Variants in ADAMTS19 observed in about 807,000 individuals in gnomAD.
ADAMTS19 encodes A disintegrin and metalloproteinase with thrombospondin motifs 19.
A neutral mutation model predicts 153.3 loss-of-function variants in ADAMTS19; 93 were observed. The ratio of observed to expected loss-of-function variants is 0.61; its 90% CI spans 0.51 to 0.72. The LOEUF (loss-of-function observed/expected upper bound fraction) is 0.72. ADAMTS19 is among the 30% of genes least tolerant of loss of function. The pLI is 0.00. For missense variants in ADAMTS19, 1,482 were observed against 1,552.1 expected (o/e 0.95, Z 0.76); for synonymous variants, 600 against 556.6 (o/e 1.08, Z -1.10).
intron 8 of ADAMTS19, among the ~76,000 whole-genome samples, chr5:129,612,456 G>A (rs1378269126): frequency 6.6e-6 from 1 of 151,982 alleles, no homozygotes; most frequent in Non-Finnish European, 1.5e-5. Context: ...CATAAGTGAA[G>A]GAGAAATAAA....
Position 129,461,156 on chromosome 5 carries a change from G to A in ADAMTS19, c.146G>A (p.Trp49Ter). 1 of 1,403,388 alleles carries A rather than the reference G, an allele frequency of 7.1e-7. No individual in the cohort carries two copies. The allele number at this position is 1,403,388 out of a possible 1,614,324, so 86.9% of individuals were successfully genotyped here. A position where few individuals can be genotyped will look rare whatever the true frequency, so the allele number is the denominator to read the frequency against. ...TGGGAAGTCGTGTTTCCTGCGCTCT[G>A]GCGCCGGGAGCCGGTGGACCCGGCT... Reference protein sequence around the residue: ...EEWEVVFPALWRREPVDPAGG... With the variant: ...EEWEVVFPAL Residue 49 changes from tryptophan (W) to a stop codon, truncating the protein, a stop_gained, in exon 2 of 23, where the codon TGG (tryptophan) becomes TAG (stop). Coordinates refer to ENST00000274487, the MANE Select transcript of ADAMTS19 (RefSeq NM_133638.6). LOFTEE classifies it high-confidence loss of function. This position sits in a 1 kb window ranked among gnomAD's most constrained non-coding sequence, Gnocchi z 4.6.
Position 129,735,101 on chromosome 5 carries a change from CCAGA to C in ADAMTS19, c.3484_3487del (p.Arg1162TrpfsTer4). 1 of 1,584,798 alleles carries C rather than the reference CCAGA, an allele frequency of 6.3e-7. No homozygotes were observed. Among genetic ancestry groups the C allele is most frequent in the Non-Finnish European group, 8.6e-7 (1 of 1,168,892 alleles). On this transcript the variant is annotated frameshift_variant, in exon 22 of 23. Coordinates refer to ENST00000274487, the MANE Select transcript of ADAMTS19 (RefSeq NM_133638.6). LOFTEE classifies it high-confidence loss of function. ...ATTAATGTAAATACCATAACATCACCCAGACTGGGTAAGCAGACAAAAAAAAAAG... is the reference window on the plus strand; with the variant it reads ...ATTAATGTAAATACCATAACATCACCCTGGGTAAGCAGACAAAAAAAAAAG...
intron 17 of ADAMTS19, among the ~76,000 whole-genome samples, chr5:129,682,841 G>T (rs185325252): frequency 6.6e-6 from 1 of 151,880 alleles, no homozygotes; most frequent in Non-Finnish European, 1.5e-5. Context: ...CTCCCAATCC[G>T]CACATCAAAA....
intron 7 of ADAMTS19, among the ~76,000 whole-genome samples, chr5:129,571,872 A>T (rs774955853): frequency 6.6e-6 from 1 of 151,862 alleles, no homozygotes; most frequent in Non-Finnish European, 1.5e-5. Flanking sequence ...GGGCCAATTG[A>T]TTTTCTACAA....
intron 10 of ADAMTS19, among the ~76,000 whole-genome samples, chr5:129,637,586 T>G (rs190288671): frequency 4.0e-4 from 61 of 152,230 alleles, no homozygotes; most frequent in South Asian, 8.3e-4. Context: ...GGCTCACACC[T>G]ATAATCCCAG....
At chr5:129,557,999 A>T (rs1753371686) in intron 7 of ADAMTS19, among the ~76,000 whole-genome samples, 1 of 152,180 alleles carries the variant, frequency 6.6e-6, no homozygotes, top group South Asian at 2.1e-4. Flanking sequence ...GATAAAAACC[A>T]TATGATCATC....
At chr5:129,512,908 T>C (rs1344811663) in intron 3 of ADAMTS19, among the ~76,000 whole-genome samples, 1 of 151,968 alleles carries the variant, frequency 6.6e-6, no homozygotes, top group Non-Finnish European at 1.5e-5. Flanking sequence ...GGACTTCCCT[T>C]TTTTTTCTAC....
chr5:129,649,106 A>T (rs1428048193), intron 13 of ADAMTS19, 136 bp downstream of exon 13: 3 of 812,748 alleles, frequency 3.7e-6, no homozygotes, highest in African/African-American at 1.7e-5. Flanking sequence ...CTGTATGGAC[A>T]TATAATAACC....
chr5:129,552,019 T>C, intron 7 of ADAMTS19, 112 bp downstream of exon 7: 1 of 640,082 alleles, frequency 1.6e-6, no homozygotes. Flanking sequence ...CTTCAAAATG[T>C]CAGACATACA....
intron 2 of ADAMTS19, among the ~76,000 whole-genome samples, chr5:129,480,140 C>G (rs1210947086): frequency 6.6e-6 from 1 of 152,092 alleles, no homozygotes; most frequent in Non-Finnish European, 1.5e-5. Flanking sequence ...AATAGTTCTA[C>G]TTAAATATGG....
intron 10 of ADAMTS19, among the ~76,000 whole-genome samples, chr5:129,637,109 T>G (rs987982148): frequency 1.2e-4 from 18 of 152,208 alleles, no homozygotes; most frequent in African/African-American, 4.3e-4. Context: ...CTTTGCCATG[T>G]GCCTAATGTG....
intron 11 of ADAMTS19, among the ~76,000 whole-genome samples, chr5:129,644,074 C>T (rs1436500448): frequency 6.6e-6 from 1 of 152,138 alleles, no homozygotes; most frequent in African/African-American, 2.4e-5. Flanking sequence ...TATATATAAA[C>T]ATAATTTGCA....
chr5:129,595,150 G>A (rs1750315076), intron 7 of ADAMTS19, among the ~76,000 whole-genome samples: 1 of 151,946 alleles, frequency 6.6e-6, no homozygotes, highest in African/African-American at 2.4e-5. Context: ...TTTCCTGATA[G>A]GCCTGTGGAT....
At position 129,665,588 on chromosome 5, in the gene ADAMTS19, T is replaced by C; in HGVS notation, c.2506+9T>C. On this transcript the variant is annotated intron_variant, in intron 16 of 22. Transcript: ENST00000274487. ...GGCACATAGCTATTTAGGTAACCTG[T>C]GTTACAGACACAGAGAAGATCCAAG... 1 of 1,601,268 alleles carries C rather than the reference T, an allele frequency of 6.2e-7. No individual in the cohort carries two copies. Among genetic ancestry groups the C allele is most frequent in the Non-Finnish European group, 8.5e-7 (1 of 1,170,638 alleles).
chr5:129,639,070 T>A (rs1249349759), intron 10 of ADAMTS19, among the ~76,000 whole-genome samples: 1 of 152,182 alleles, frequency 6.6e-6, no homozygotes, highest in Non-Finnish European at 1.5e-5. Context: ...AAATGCTGGG[T>A]TTTGCATCTC....
At chr5:129,612,302 A>G (rs1751268093) in intron 8 of ADAMTS19, among the ~76,000 whole-genome samples, 1 of 151,706 alleles carries the variant, frequency 6.6e-6, no homozygotes, top group African/African-American at 2.4e-5. Context: ...AAGGACATGA[A>G]CGCATCATTT....
chr5:129,574,870 T>A (rs1396588989), intron 7 of ADAMTS19, among the ~76,000 whole-genome samples: 1 of 144,692 alleles, frequency 6.9e-6, no homozygotes, highest in Admixed American at 7.0e-5. Flanking sequence ...AAAAAAAAAA[T>A]TAACGTGTTT....
At position 129,643,117 on chromosome 5, in the gene ADAMTS19, A is replaced by G. The variant is rs544405340; in HGVS notation, c.1872+1157A>G. Among the ~76,000 whole-genome samples, 16 of 152,244 alleles carry G rather than the reference A, an allele frequency of 1.1e-4. No individual in the cohort carries two copies. In the East Asian group the frequency reaches 2.9e-3, roughly 28 times the overall value. On this transcript the variant is annotated intron_variant, in intron 11 of 22. Coordinates refer to ENST00000274487, the MANE Select transcript of ADAMTS19 (RefSeq NM_133638.6). Reference sequence around the variant, plus strand: ...TTTTGATACTTTACAATACAGTTTGACATTTAAGGAAAACACAGTGTGTAT... The same window carrying G: ...TTTTGATACTTTACAATACAGTTTGGCATTTAAGGAAAACACAGTGTGTAT...
intron 21 of ADAMTS19, among the ~76,000 whole-genome samples, chr5:129,724,678 G>C (rs1008420678): frequency 3.9e-5 from 6 of 152,320 alleles, no homozygotes; most frequent in African/African-American, 1.4e-4. Flanking sequence ...TTCGTAGAAA[G>C]AGAAGGACTC....
Sources: gnomAD v4.1 joint callset for allele counts (sites outside exome capture counted in the v4.1 genomes callset) on GRCh38, gnomAD v4.1.1 for gene constraint, Gnocchi (gnomAD v3.1) non-coding constraint, MANE v1.5 for transcripts, NCBI Gene and HGNC (gene_info 2026-07-23, HGNC 2026-07-21) for gene names.